The following USP47 variants were observed in gnomAD, a reference collection of about 807,000 sequenced individuals.
The protein encoded by USP47 is ubiquitin carboxyl-terminal hydrolase 47.
In USP47, 35 loss-of-function variants were observed where a neutral mutation model predicts 165.1. The observed-to-expected ratio is 0.21, with a 90% CI of 0.16 to 0.28. The LOEUF (loss-of-function observed/expected upper bound fraction) is 0.28. Among genes scored for constraint, USP47 ranks in the 10% least tolerant of loss-of-function variants. USP47 has a pLI of 1.00. For missense variants in USP47, 1,277 were observed against 1,607.4 expected (o/e 0.79, Z 3.52); for synonymous variants, 531 against 544.5 (o/e 0.98, Z 0.35).
At chr11:11,890,037 A>G (rs758252581) in intron 3 of USP47, among the ~76,000 whole-genome samples, 3 of 152,232 alleles carry the variant, frequency 2.0e-5, no homozygotes, top group African/African-American at 4.8e-5. Flanking sequence ...CTTACACCAT[A>G]AACAAAAATT....
intron 18 of USP47, among the ~76,000 whole-genome samples, chr11:11,939,335 G>T (rs1476478906): frequency 6.6e-6 from 1 of 151,900 alleles, no homozygotes; most frequent in Non-Finnish European, 1.5e-5. Context: ...TGGTAGTCTT[G>T]TCTTTCATCT....
intron 11 of USP47, among the ~76,000 whole-genome samples, chr11:11,929,073 T>G (rs1331876150): frequency 6.6e-6 from 1 of 151,112 alleles, no homozygotes; most frequent in Non-Finnish European, 1.5e-5. Flanking sequence ...GTATGTTACT[T>G]CGGATTTTTT....
At chr11:11,899,765 A>G (rs1852078526) in intron 5 of USP47, among the ~76,000 whole-genome samples, 1 of 152,182 alleles carries the variant, frequency 6.6e-6, no homozygotes, top group African/African-American at 2.4e-5. Flanking sequence ...AGTAGGAGAC[A>G]GACATGAGGT....
At chr11:11,943,137 T>C (rs749401670) in intron 20 of USP47, 25 bp downstream of exon 20, 7 of 1,569,682 alleles carry the variant, frequency 4.5e-6, no homozygotes, top group East Asian at 4.5e-5. Flanking sequence ...AGAAAAACGG[T>C]CCTTGAAACA....
At chr11:11,909,401 A>T (rs1031462611) in intron 8 of USP47, among the ~76,000 whole-genome samples, 6 of 152,176 alleles carry the variant, frequency 3.9e-5, no homozygotes, top group African/African-American at 1.4e-4. Flanking sequence ...AAATAAGGAG[A>T]TAGTTCTAAG....
Position 11,960,073 on chromosome 11 carries a change from A to G in USP47, c.*3898A>G, listed in dbSNP as rs751404886. On this transcript the variant is annotated 3_prime_UTR_variant, in exon 28 of 28. Transcript: ENST00000527733. The stretch of plus-strand genomic sequence containing the variant: ...CAGTTACCCACTGGGCAGTGGGCTT[A>G]TCAAGTGCTCAGTGCAATCCTGTGA... Among the ~76,000 whole-genome samples, 2 of 152,158 alleles carry G rather than the reference A, an allele frequency of 1.3e-5. No individual in the cohort carries two copies. Among genetic ancestry groups the G allele is most frequent in the African/African-American group, 2.4e-5 (1 of 41,420 alleles).
At chr11:11,943,866 A>T (rs910478986) in intron 20 of USP47, 7 of 152,096 alleles carry the variant, frequency 4.6e-5, no homozygotes, top group Non-Finnish European at 8.8e-5. Flanking sequence ...ACTTTGCATT[A>T]GTTCTAGCAA....
At chr11:11,880,604 A>C (rs1265407317) in intron 2 of USP47, among the ~76,000 whole-genome samples, 1 of 152,116 alleles carries the variant, frequency 6.6e-6, no homozygotes, top group African/African-American at 2.4e-5. Flanking sequence ...TCATTTCATC[A>C]GTTTTTTCAT....
At position 11,935,708 on chromosome 11, in the gene USP47, G is replaced by T. The variant is rs183482656; in HGVS notation, c.1870-595G>T. Among the ~76,000 whole-genome samples the T allele has an allele frequency of 5.3e-5, 8 of 151,978 alleles. No individual in the cohort carries two copies. In the East Asian group the frequency reaches 5.8e-4, roughly 11 times the overall value. On this transcript the variant is annotated intron_variant, in intron 16 of 27. Transcript: ENST00000527733. ...TATCAAGAGAGTTGTTGCAACCAGG[G>T]TATGTCATCTATTGGTGACATAAGC...
chr11:11,842,237 A>C lies in USP47; in HGVS notation c.39+13A>C. On this transcript the variant is annotated intron_variant, in intron 1 of 27. Coordinates refer to ENST00000527733, the MANE Select transcript of USP47 (RefSeq NM_001282659.2). ...GGTCCCGAAAGAGGTGAGGGGCCCC[A>C]GAGGAGGTTAGGCCTTAGGCCTGCG... 1.9e-6 allele frequency: 3 copies of C among 1,552,044 alleles called. No individual in the cohort carries two copies. The highest frequency in any genetic ancestry group is 2.6e-6 in the Non-Finnish European group (3 of 1,147,030).
chr11:11,935,060 G>A lies in USP47; in HGVS notation c.1869+1125G>A, dbSNP rs868200032. ...GCTGCAGATGAATCAGAATTTCTCTGTTGGAGCCTGGAAATAGGCATTTTA... is the reference window on the plus strand; with the variant it reads ...GCTGCAGATGAATCAGAATTTCTCTATTGGAGCCTGGAAATAGGCATTTTA... On this transcript the variant is annotated intron_variant, in intron 16 of 27. Coordinates refer to ENST00000527733, the MANE Select transcript of USP47 (RefSeq NM_001282659.2). Among the ~76,000 whole-genome samples the A allele has an allele frequency of 3.9e-5, 6 of 152,218 alleles. 1 individual carries two copies. The highest frequency in any genetic ancestry group is 6.8e-3 in the Middle Eastern group (2 of 294).
chr11:11,953,346 T>C (rs1856345428), intron 25 of USP47, among the ~76,000 whole-genome samples: 1 of 152,196 alleles, frequency 6.6e-6, no homozygotes, highest in Admixed American at 6.5e-5. Flanking sequence ...TTGAAAAAGA[T>C]TTATTTCCAT....
intron 3 of USP47, among the ~76,000 whole-genome samples, chr11:11,890,984 G>C (rs1449262729): frequency 6.6e-6 from 1 of 151,996 alleles, no homozygotes; most frequent in Non-Finnish European, 1.5e-5. Flanking sequence ...CACAGGGAGG[G>C]AACAACACAC....
intron 18 of USP47, 99 bp from the exon 19 acceptor site, chr11:11,940,330 T>C: frequency 8.0e-7 from 1 of 1,247,382 alleles, no homozygotes; most frequent in Non-Finnish European, 1.1e-6. Context: ...TCTCTGCTGC[T>C]TTTAAGAAGA....
Position 11,942,513 on chromosome 11 carries a change from A to G in USP47, c.2492A>G (p.Asn831Ser). 3 of 1,613,624 alleles carry G rather than the reference A, an allele frequency of 1.9e-6. No homozygotes were observed. The highest frequency in any genetic ancestry group is 2.5e-6 in the Non-Finnish European group (3 of 1,179,750). The stretch of plus-strand genomic sequence containing the variant: ...CAGAAAGCTGGAGGCGATTCTGGTA[A>G]TGTGGATGATGACTGTGAAAGAGTC... ...AYQKAGGDSG[N>S]VDDDCERVKG... The change falls in exon 20 of 28, where the codon AAT becomes AGT. Residue 831 changes from asparagine (N) to serine (S), a missense_variant. By Grantham distance (46) the Asn-to-Ser change is conservative (BLOSUM62 1). This residue lies in a region of USP47 where 909 missense variants were observed against 1,068.1 expected (regional missense o/e 0.85). Transcript: ENST00000527733.
intron 3 of USP47, among the ~76,000 whole-genome samples, chr11:11,885,102 A>G (rs1036230856): frequency 3.3e-5 from 5 of 152,106 alleles, no homozygotes; most frequent in African/African-American, 1.2e-4. Flanking sequence ...ATTTCAGTGG[A>G]CTTTCCTGTT....
chr11:11,920,818 T>C (rs953349683), intron 10 of USP47, among the ~76,000 whole-genome samples: 2 of 151,838 alleles, frequency 1.3e-5, no homozygotes, highest in African/African-American at 2.4e-5. Flanking sequence ...TTCGTCGTTA[T>C]TGAAACCAGC....
intron 1 of USP47, among the ~76,000 whole-genome samples, chr11:11,870,617 G>A (rs747851118): frequency 3.3e-5 from 5 of 152,050 alleles, no homozygotes; most frequent in Non-Finnish European, 5.9e-5. Context: ...TTCCTGGGTC[G>A]TTCTTGAAGG....
intron 1 of USP47, among the ~76,000 whole-genome samples, chr11:11,857,942 A>G (rs936893308): frequency 7.2e-5 from 11 of 152,168 alleles, no homozygotes; most frequent in African/African-American, 2.4e-4. Context: ...TCCACAACCA[A>G]TCAGATGTTT....
Sources: gnomAD v4.1 joint callset for allele counts (sites outside exome capture counted in the v4.1 genomes callset) on GRCh38, gnomAD v4.1.1 for gene constraint, gnomAD v4.1.1 regional missense constraint, MANE v1.5 for transcripts, NCBI Gene and HGNC (gene_info 2026-07-23, HGNC 2026-07-21) for gene names.